ASCC1: variants seen among roughly 807,000 people sequenced by gnomAD.
ASCC1 encodes the protein activating signal cointegrator 1 complex subunit 1, also known as ASC-1 complex subunit P50.
Under a neutral mutation model 46.6 loss-of-function variants are expected in ASCC1, and 35 were observed. The observed-to-expected ratio is 0.75, with a 90% CI of 0.57 to 0.99. The LOEUF (loss-of-function observed/expected upper bound fraction) is 0.99, where lower values mean the gene tolerates loss of function less well. ASCC1 is among the 50% of genes least tolerant of loss of function. ASCC1 has a pLI of 0.00. For synonymous variants in ASCC1, 143 were observed against 146.6 expected, an observed-to-expected ratio of 0.98 and a Z score of 0.18; for missense variants, 376 against 428.7, an observed-to-expected ratio of 0.88 and a Z score of 1.09.
intron 7 of ASCC1, among the ~76,000 whole-genome samples, chr10:72,141,525 CAA>C (rs1847017343): frequency 6.6e-6 from 1 of 152,110 alleles, no homozygotes; most frequent in Non-Finnish European, 1.5e-5. Context: ...GGAAAATCAG[CAA>C]AGTCTAAGAA....
rs370178082 is a variant in ASCC1 at position 72,210,785 on chromosome 10, C to A, written c.159G>T (p.Glu53Asp). 2 of 1,613,996 alleles carry A rather than the reference C, an allele frequency of 1.2e-6. No homozygotes were observed. The highest frequency in any genetic ancestry group is 1.3e-5 in the African/African-American group (1 of 74,928). The stretch of plus-strand genomic sequence containing the variant: ...TAGACCGGAATCCTTGTGGGGTCTG[C>A]TCCACCTCGTAGGCATCACAGGGCT... ...ADEPCDAYEV[E>D]QTPQGFRSTL... The change falls in exon 3 of 10, where the codon GAG (glutamate) becomes GAT (aspartate). Residue 53 changes from glutamate to aspartate, a missense_variant. Physicochemically the swap from Glu to Asp is conservative, Grantham distance 45 (BLOSUM62 2). Transcript: ENST00000672957.
chr10:72,213,749 G>GA (rs1445580701), intron 1 of ASCC1, among the ~76,000 whole-genome samples: 1 of 151,666 alleles, frequency 6.6e-6, no homozygotes, highest in Non-Finnish European at 1.5e-5. Context: ...TCTAAAAAAA[G>GA]AAAAAGAGGG....
chr10:72,207,895 T>C (rs1174079321), intron 3 of ASCC1, among the ~76,000 whole-genome samples: 3 of 152,070 alleles, frequency 2.0e-5, no homozygotes, highest in Non-Finnish European at 4.4e-5. Flanking sequence ...CACTGTAACC[T>C]TGAACTTCTG....
intron 5 of ASCC1, chr10:72,190,537 G>T: frequency 6.6e-7 from 1 of 1,522,032 alleles, no homozygotes; most frequent in Non-Finnish European, 9.0e-7. Flanking sequence ...GGGCAGCTTG[G>T]AGAAGGCGCA....
chr10:72,120,227 C>CAAAT (rs1012264382), intron 9 of ASCC1, among the ~76,000 whole-genome samples: 2 of 152,034 alleles, frequency 1.3e-5, no homozygotes, highest in South Asian at 2.1e-4. Context: ...GACTCCATCT[C>CAAAT]AAATAAATAA....
intron 7 of ASCC1, among the ~76,000 whole-genome samples, chr10:72,147,684 C>A (rs983343765): frequency 6.6e-6 from 1 of 152,176 alleles, no homozygotes; most frequent in Non-Finnish European, 1.5e-5. Context: ...ATGTTCCTTA[C>A]CCAAATCACT....
At chr10:72,205,548 T>C (rs1010526393) in intron 3 of ASCC1, among the ~76,000 whole-genome samples, 15 of 150,616 alleles carry the variant, frequency 1.0e-4, no homozygotes, top group South Asian at 2.1e-4. Flanking sequence ...GGAGATTGCT[T>C]GAACTCGGGA....
At chr10:72,103,114 C>G in intron 9 of ASCC1, 1 of 306,160 alleles carries the variant, frequency 3.3e-6, no homozygotes, top group Non-Finnish European at 6.4e-6. Context: ...CACAACCCCA[C>G]GAAATAGATA....
chr10:72,161,867 TAAAG>T (rs1358598264), intron 5 of ASCC1, among the ~76,000 whole-genome samples, 193 bp from the exon 6 acceptor site: 2 of 152,040 alleles, frequency 1.3e-5, no homozygotes, highest in Non-Finnish European at 1.5e-5. Context: ...TGCAAAAGAA[TAAAG>T]ATAGACTACT....
At chr10:72,191,597 A>G in intron 5 of ASCC1, among the ~76,000 whole-genome samples, 1 of 152,140 alleles carries the variant, frequency 6.6e-6, no homozygotes, top group African/African-American at 2.4e-5. Flanking sequence ...TAAAAAACCA[A>G]AACCATAAAC....
At chr10:72,145,797 T>C (rs1847556379) in intron 7 of ASCC1, among the ~76,000 whole-genome samples, 1 of 152,208 alleles carries the variant, frequency 6.6e-6, no homozygotes, top group Non-Finnish European at 1.5e-5. Flanking sequence ...TGTCTGGCTT[T>C]ATTCACTACT....
In ASCC1 at chr10:72,147,962, T is replaced by C. The variant is rs1280846053; in HGVS notation, c.746+4907A>G. Among the ~76,000 whole-genome samples the C allele has an allele frequency of 4.6e-5, 7 of 152,220 alleles. No homozygotes were observed. In the East Asian group the frequency reaches 9.6e-4, roughly 21 times the overall value. On this transcript the variant is annotated intron_variant, in intron 7 of 9. Transcript: ENST00000672957. ...TTAGGGAGTCCATAGGTCAAAACTATTTTTATAATATTTATGACATTATCT... is the reference window on the plus strand; with the variant it reads ...TTAGGGAGTCCATAGGTCAAAACTACTTTTATAATATTTATGACATTATCT...
At chr10:72,099,101 CT>C (rs1189040072) in intron 9 of ASCC1, among the ~76,000 whole-genome samples, 2 of 152,156 alleles carry the variant, frequency 1.3e-5, no homozygotes, top group Non-Finnish European at 2.9e-5. Context: ...CAACAAGTTA[CT>C]TTTTAAGGAT....
intron 8 of ASCC1, among the ~76,000 whole-genome samples, chr10:72,129,482 C>A (rs772818492): frequency 1.3e-5 from 2 of 152,012 alleles, no homozygotes; most frequent in Non-Finnish European, 2.9e-5. Flanking sequence ...CCAACCTGGG[C>A]AATATAGTGA....
In ASCC1 at chr10:72,112,569, T is replaced by C. The variant is rs376107017; in HGVS notation, c.958-15119A>G. ...AAAATGGTTAAAATAGCCAATCTTA[T>C]GTATATTTTACCACAATTTAAAAAA... is the stretch of plus-strand genomic sequence containing the variant. On this transcript the variant is annotated intron_variant, in intron 9 of 9. Transcript: ENST00000672957. 1.6e-3 allele frequency among the ~76,000 whole-genome samples: 246 copies of C among 152,306 alleles called. 1 individual carries two copies. Among genetic ancestry groups the C allele is most frequent in the African/African-American group, 5.6e-3 (233 of 41,568 alleles).
intron 9 of ASCC1, chr10:72,102,349 G>C: frequency 6.5e-7 from 1 of 1,549,448 alleles, no homozygotes; most frequent in Non-Finnish European, 8.7e-7. Context: ...AGCTCTCTGT[G>C]TCCCAAGCCC....
chr10:72,204,743 T>A lies in ASCC1; in HGVS notation c.213-1219A>T, dbSNP rs149723557. Among the ~76,000 whole-genome samples the A allele has an allele frequency of 9.2e-5, 14 of 152,258 alleles. No individual in the cohort carries two copies. In the East Asian group the frequency reaches 2.7e-3, roughly 29 times the overall value. ...AGTAAGCCAGTTTTTAAAAATAAGA[T>A]GTTTAGAGGAAGATTGGAAGTCTGT... On this transcript the variant is annotated intron_variant, in intron 3 of 9. Transcript: ENST00000672957.
intron 9 of ASCC1, among the ~76,000 whole-genome samples, chr10:72,108,130 G>A (rs1021807495): frequency 1.4e-5 from 2 of 145,870 alleles, no homozygotes; most frequent in Admixed American, 6.9e-5. Context: ...AGGCTGGAGT[G>A]CAGTGGCGTG....
intron 9 of ASCC1, among the ~76,000 whole-genome samples, chr10:72,100,042 G>A (rs754011412): frequency 5.9e-5 from 9 of 151,738 alleles, no homozygotes; most frequent in Non-Finnish European, 4.4e-5. Flanking sequence ...TTTGTAAGTC[G>A]CCATGTTCTT....
Sources: allele counts gnomAD v4.1 joint callset (sites outside exome capture counted in the v4.1 genomes callset), GRCh38; gene constraint gnomAD v4.1.1; transcripts MANE v1.5; gene names NCBI Gene and HGNC (gene_info 2026-07-23, HGNC 2026-07-21).